The following GABRB1 variants were observed in gnomAD, a reference collection of about 807,000 sequenced individuals.
GABRB1 encodes the protein gamma-aminobutyric acid receptor subunit beta-1.
Under a neutral mutation model 51.6 loss-of-function variants are expected in GABRB1, and 17 were observed. The observed-to-expected ratio is 0.33, with a 90% CI of 0.23 to 0.49. The LOEUF (loss-of-function observed/expected upper bound fraction) is 0.49, where lower values mean the gene tolerates loss of function less well. Ranked by LOEUF, GABRB1 falls within the 20% of genes least tolerant of loss-of-function variation. The probability of loss-of-function intolerance (pLI) is 0.99; values close to 1 mark genes in which losing one functional copy is unlikely to be tolerated. For missense variants in GABRB1, 410 were observed against 600.6 expected (o/e 0.68, Z 3.32); for synonymous variants, 247 against 218.9 (o/e 1.13, Z -1.14).
chr4:47,352,278 C>T (rs1223672952), intron 5 of GABRB1, among the ~76,000 whole-genome samples: 1 of 152,124 alleles, frequency 6.6e-6, no homozygotes, highest in Non-Finnish European at 1.5e-5. Flanking sequence ...TAATCAATAG[C>T]TTACCAACTA....
intron 5 of GABRB1, among the ~76,000 whole-genome samples, chr4:47,363,880 TCA>T (rs1404177467): frequency 1.3e-5 from 2 of 152,152 alleles, no homozygotes; most frequent in African/African-American, 4.8e-5. Flanking sequence ...GAAACAGTGT[TCA>T]CCTGGACAGG....
intron 5 of GABRB1, among the ~76,000 whole-genome samples, chr4:47,397,179 T>G (rs1165918431): frequency 6.6e-6 from 1 of 152,228 alleles, no homozygotes; most frequent in Admixed American, 6.5e-5. Flanking sequence ...TATGAATTAT[T>G]TGTTAGAGTT....
intron 4 of GABRB1, among the ~76,000 whole-genome samples, chr4:47,301,503 G>C (rs1435658830): frequency 6.6e-6 from 1 of 151,834 alleles, no homozygotes; most frequent in African/African-American, 2.4e-5. Flanking sequence ...GCATGGTGGT[G>C]CGTGCCTGTA....
At chr4:47,279,414 T>G (rs768101050) in intron 4 of GABRB1, among the ~76,000 whole-genome samples, 1 of 152,134 alleles carries the variant, frequency 6.6e-6, no homozygotes, top group Non-Finnish European at 1.5e-5. Context: ...TAAATATTGC[T>G]TCATGAAAAT....
At chr4:47,221,947 G>A (rs1720783228) in intron 4 of GABRB1, among the ~76,000 whole-genome samples, 1 of 151,968 alleles carries the variant, frequency 6.6e-6, no homozygotes, top group East Asian at 1.9e-4. Flanking sequence ...TTCTCCATGA[G>A]GCACACCACA....
intron 3 of GABRB1, among the ~76,000 whole-genome samples, chr4:47,114,287 T>C (rs971486556): frequency 2.0e-5 from 3 of 152,220 alleles, no homozygotes; most frequent in African/African-American, 7.2e-5. Flanking sequence ...CACGCAGGGT[T>C]TGAGAACTGA....
At chr4:47,167,379 G>T (rs574376853) in intron 4 of GABRB1, among the ~76,000 whole-genome samples, 3 of 151,912 alleles carry the variant, frequency 2.0e-5, no homozygotes, top group African/African-American at 4.8e-5. Flanking sequence ...ATTCTGAGAA[G>T]ACATTTAGTG....
At chr4:47,395,689 CAT>C (rs1300224174) in intron 5 of GABRB1, among the ~76,000 whole-genome samples, 3 of 152,182 alleles carry the variant, frequency 2.0e-5, no homozygotes, top group Non-Finnish European at 4.4e-5. Flanking sequence ...AATTTACTCA[CAT>C]GATTCAAAAC....
At chr4:47,145,313 TAAATTGGTAAACCACAC>T (rs1447789872) in intron 3 of GABRB1, among the ~76,000 whole-genome samples, 1 of 152,026 alleles carries the variant, frequency 6.6e-6, no homozygotes, top group Non-Finnish European at 1.5e-5. Context: ...TCCTGGGATA[TAAATTGGTAAACCACAC>T]AAATGCTGCC....
intron 3 of GABRB1, among the ~76,000 whole-genome samples, chr4:47,059,148 A>G (rs1417275620): frequency 6.6e-6 from 1 of 152,202 alleles, no homozygotes; most frequent in Non-Finnish European, 1.5e-5. Context: ...TCAGTCTTAG[A>G]GAAACTTCTC....
chr4:47,357,086 T>C (rs1726611481), intron 5 of GABRB1, among the ~76,000 whole-genome samples: 1 of 152,196 alleles, frequency 6.6e-6, no homozygotes, highest in African/African-American at 2.4e-5. Context: ...AAAGTTCATG[T>C]TTTTCAATAC....
At chr4:47,394,027 C>T (rs1405825970) in intron 5 of GABRB1, among the ~76,000 whole-genome samples, 2 of 152,202 alleles carry the variant, frequency 1.3e-5, no homozygotes, top group Non-Finnish European at 2.9e-5. Flanking sequence ...TGATGGATAT[C>T]TAGAAAGATA....
At chr4:47,031,553 G>A (rs1725296010), upstream of GABRB1, 4 of 957,992 alleles carry the variant, frequency 4.2e-6, no homozygotes, top group East Asian at 9.6e-5. Flanking sequence ...CGCGCTCTGC[G>A]CATGCGCAGG....
At chr4:47,280,765 T>C (rs1271696177) in intron 4 of GABRB1, among the ~76,000 whole-genome samples, 1 of 151,462 alleles carries the variant, frequency 6.6e-6, no homozygotes, top group Non-Finnish European at 1.5e-5. Flanking sequence ...CTCCCACCTC[T>C]GCCTCCAAAG....
intron 3 of GABRB1, among the ~76,000 whole-genome samples, chr4:47,081,384 A>G (rs1727834793): frequency 6.6e-6 from 1 of 152,184 alleles, no homozygotes; most frequent in South Asian, 2.1e-4. Context: ...AAGAAAATTT[A>G]TATTAAAGTA....
chr4:47,078,384 G>A (rs903776337), intron 3 of GABRB1, among the ~76,000 whole-genome samples: 19 of 152,026 alleles, frequency 1.2e-4, no homozygotes, highest in Non-Finnish European at 2.8e-4. Flanking sequence ...TCCTTTATAT[G>A]TTTCACTTAA....
At chr4:47,281,435 A>G (rs1300701533) in intron 4 of GABRB1, among the ~76,000 whole-genome samples, 4 of 152,224 alleles carry the variant, frequency 2.6e-5, no homozygotes, top group African/African-American at 9.6e-5. Context: ...AAACCTTTGT[A>G]CACTGTTGGT....
intron 4 of GABRB1, among the ~76,000 whole-genome samples, chr4:47,211,843 T>G (rs1347723225): frequency 6.6e-6 from 1 of 152,182 alleles, no homozygotes; most frequent in African/African-American, 2.4e-5. Flanking sequence ...ATCATATCAC[T>G]TTTTCTCACC....
intron 4 of GABRB1, among the ~76,000 whole-genome samples, chr4:47,225,177 G>A (rs2109828723): frequency 6.6e-6 from 1 of 152,254 alleles, no homozygotes; most frequent in South Asian, 2.1e-4. Context: ...TTACAGGCAT[G>A]AGCCACTGCA....
Sources: allele counts gnomAD v4.1 joint callset (sites outside exome capture counted in the v4.1 genomes callset), GRCh38; gene constraint gnomAD v4.1.1; transcripts MANE v1.5; gene names NCBI Gene and HGNC (gene_info 2026-07-23, HGNC 2026-07-21).